The following PCP4 variants were observed in gnomAD, a reference collection of about 807,000 sequenced individuals.
The protein encoded by PCP4 is Purkinje cell protein 4.
PCP4 carries 8 observed loss-of-function variants against 10.0 expected under a neutral mutation model. That is an observed-to-expected ratio of 0.80 (90% confidence interval 0.47 to 1.45). The LOEUF (loss-of-function observed/expected upper bound fraction) is 1.45. Ranked by LOEUF, PCP4 falls within the 40% of genes most tolerant of loss-of-function variation. The pLI is 0.00. For missense variants in PCP4, 54 were observed against 74.4 expected, an observed-to-expected ratio of 0.73 and a Z score of 1.01; for synonymous variants, 21 against 23.0, an observed-to-expected ratio of 0.91 and a Z score of 0.24.
intron 1 of PCP4, among the ~76,000 whole-genome samples, chr21:39,888,290 A>T (rs542631993): frequency 5.3e-5 from 8 of 152,358 alleles, no homozygotes; most frequent in Middle Eastern, 3.4e-3. Flanking sequence ...AGGGGCCAAC[A>T]GAAGTCAGAC....
At chr21:39,885,744 C>T (rs1365108498) in intron 1 of PCP4, among the ~76,000 whole-genome samples, 1 of 152,254 alleles carries the variant, frequency 6.6e-6, no homozygotes, top group Non-Finnish European at 1.5e-5. Flanking sequence ...GCCCCAGAGC[C>T]TGGGAGCCAG....
At chr21:39,878,597 A>T (rs1601171751) in intron 1 of PCP4, among the ~76,000 whole-genome samples, 1 of 152,234 alleles carries the variant, frequency 6.6e-6, no homozygotes, top group Non-Finnish European at 1.5e-5. Flanking sequence ...TTACATGAGG[A>T]CAGTCAATTA....
intron 2 of PCP4, among the ~76,000 whole-genome samples, chr21:39,908,851 A>G (rs895883726): frequency 6.6e-6 from 1 of 152,204 alleles, no homozygotes; most frequent in African/African-American, 2.4e-5. Flanking sequence ...CAAGGAGCCA[A>G]TCTGCTTTCA....
At chr21:39,878,012 A>G (rs1366326091) in intron 1 of PCP4, among the ~76,000 whole-genome samples, 1 of 92,422 alleles carries the variant, frequency 1.1e-5, no homozygotes. Context: ...CGAGAGAGAG[A>G]GAGAGATTAT....
chr21:39,870,713 GC>G (rs1051848413), intron 1 of PCP4, among the ~76,000 whole-genome samples: 22 of 152,200 alleles, frequency 1.4e-4, no homozygotes, highest in African/African-American at 5.3e-4. Flanking sequence ...AAAACGTGAC[GC>G]CCTTGCCCTG....
At chr21:39,915,779 A>G (rs2087566000) in intron 2 of PCP4, among the ~76,000 whole-genome samples, 1 of 152,224 alleles carries the variant, frequency 6.6e-6, no homozygotes, top group Non-Finnish European at 1.5e-5. Flanking sequence ...CTTACATCAT[A>G]TTGACCAAAT....
intron 2 of PCP4, among the ~76,000 whole-genome samples, chr21:39,903,342 C>T (rs957928946): frequency 6.6e-6 from 1 of 152,174 alleles, no homozygotes; most frequent in African/African-American, 2.4e-5. Context: ...TATGAACACA[C>T]CTGATTTTAA....
Position 39,929,191 on chromosome 21 carries a change from A to G in PCP4, c.*80A>G. 7.0e-7 allele frequency: 1 copy of G among 1,422,086 alleles called. No homozygotes were observed. Among genetic ancestry groups the G allele is most frequent in the Non-Finnish European group, 9.6e-7 (1 of 1,039,244 alleles). 88.1% of individuals were successfully genotyped at this position (1,422,086 alleles called of 1,614,324 possible). ...CAAGAAATTAAAAGAACAACACCCT[A>G]GAGAGAAGTCATCCACACACAATCC... On this transcript the variant is annotated 3_prime_UTR_variant, in exon 3 of 3. Coordinates refer to ENST00000328619, the MANE Select transcript of PCP4 (RefSeq NM_006198.3).
intron 2 of PCP4, among the ~76,000 whole-genome samples, chr21:39,904,264 C>T (rs2087496062): frequency 6.6e-6 from 1 of 152,146 alleles, no homozygotes; most frequent in East Asian, 1.9e-4. Flanking sequence ...CCATATCTCC[C>T]AGTAGACATT....
At chr21:39,890,658 C>T (rs368839988) in intron 1 of PCP4, among the ~76,000 whole-genome samples, 7 of 152,202 alleles carry the variant, frequency 4.6e-5, no homozygotes, top group South Asian at 4.1e-4. Context: ...CATGAGCCAC[C>T]GTGCCTGGAC....
intron 2 of PCP4, among the ~76,000 whole-genome samples, chr21:39,909,541 T>A (rs918548148): frequency 1.3e-5 from 2 of 152,212 alleles, no homozygotes; most frequent in Non-Finnish European, 2.9e-5. Flanking sequence ...CTGTTCCAGT[T>A]GCCATTTCCT....
At chr21:39,895,379 C>T (rs1252779737) in intron 1 of PCP4, among the ~76,000 whole-genome samples, 1 of 152,222 alleles carries the variant, frequency 6.6e-6, no homozygotes, top group Non-Finnish European at 1.5e-5. Flanking sequence ...TCCTAAAAGC[C>T]AAGTGTTCTC....
At chr21:39,923,117 A>G (rs2087604548) in intron 2 of PCP4, among the ~76,000 whole-genome samples, 1 of 152,220 alleles carries the variant, frequency 6.6e-6, no homozygotes, top group African/African-American at 2.4e-5. Context: ...GGCAAATACA[A>G]GTAATGACAA....
At chr21:39,881,545 A>C (rs1426646556) in intron 1 of PCP4, among the ~76,000 whole-genome samples, 2 of 152,178 alleles carry the variant, frequency 1.3e-5, no homozygotes, top group African/African-American at 4.8e-5. Flanking sequence ...CATGAAACGT[A>C]CATCTGCAGT....
intron 1 of PCP4, among the ~76,000 whole-genome samples, chr21:39,895,955 C>A (rs11911943): frequency 1.3e-5 from 2 of 152,112 alleles, no homozygotes; most frequent in Non-Finnish European, 2.9e-5. Context: ...CTTTCAATAA[C>A]GAGTTCTTTT....
chr21:39,869,022 A>C (rs528438510), intron 1 of PCP4, among the ~76,000 whole-genome samples: 2 of 152,328 alleles, frequency 1.3e-5, no homozygotes, highest in South Asian at 4.1e-4. Context: ...CAGATATTTC[A>C]GAAGCTTCTG....
chr21:39,927,795 T>C, intron 2 of PCP4, among the ~76,000 whole-genome samples: 1 of 152,158 alleles, frequency 6.6e-6, no homozygotes, highest in East Asian at 1.9e-4. Context: ...ATCTCAATTC[T>C]GGCCACACCT....
At chr21:39,891,168 C>T (rs2087428818) in intron 1 of PCP4, among the ~76,000 whole-genome samples, 1 of 152,118 alleles carries the variant, frequency 6.6e-6, no homozygotes, top group African/African-American at 2.4e-5. Flanking sequence ...TGTGATTTTG[C>T]AACTTAGTGA....
intron 2 of PCP4, among the ~76,000 whole-genome samples, chr21:39,916,915 G>A (rs532605726): frequency 6.6e-6 from 1 of 152,140 alleles, no homozygotes; most frequent in Non-Finnish European, 1.5e-5. Context: ...ATGAATGCAT[G>A]GGGGAGAACA....
Sources: allele counts gnomAD v4.1 joint callset (sites outside exome capture counted in the v4.1 genomes callset), GRCh38; gene constraint gnomAD v4.1.1; transcripts MANE v1.5; gene names NCBI Gene and HGNC (gene_info 2026-07-23, HGNC 2026-07-21).